RBFOX1: variants seen among roughly 807,000 people sequenced by gnomAD.
RBFOX1 encodes the protein RNA binding protein fox-1 homolog 1.
Under a neutral mutation model 57.7 loss-of-function variants are expected in RBFOX1, and 8 were observed. The observed-to-expected ratio is 0.14, with a 90% confidence interval of 0.08 to 0.25. RBFOX1 has a LOEUF of 0.25. Ranked by LOEUF, RBFOX1 falls within the 10% of genes least tolerant of loss-of-function variation. RBFOX1 has a pLI of 1.00. For synonymous variants in RBFOX1, 326 were observed against 222.4 expected (o/e 1.47, Z -4.15); for missense variants, 611 against 548.5 (o/e 1.11, Z -1.14).
intron 3 of RBFOX1, among the ~76,000 whole-genome samples, chr16:6,920,486 G>C (rs751857005): frequency 1.3e-5 from 2 of 152,134 alleles, no homozygotes; most frequent in Admixed American, 1.3e-4. Context: ...AGGGAGCACC[G>C]AGTCCACAGA....
chr16:6,420,904 G>A (rs2093753529), intron 2 of RBFOX1, among the ~76,000 whole-genome samples: 1 of 152,188 alleles, frequency 6.6e-6, no homozygotes, highest in Admixed American at 6.5e-5. Flanking sequence ...TAAAAGGCTA[G>A]ACCTGCATCA....
chr16:6,786,908 TA>T (rs58005268), intron 3 of RBFOX1, among the ~76,000 whole-genome samples: 101,156 of 149,904 alleles, frequency 0.67, 34,308 homozygotes, highest in East Asian at 0.92. Flanking sequence ...TTTTTACTTT[TA>T]AAAAAAAAAA....
At chr16:5,953,293 A>G (rs570817646) in intron 4 of RBFOX1, among the ~76,000 whole-genome samples, 4 of 152,346 alleles carry the variant, frequency 2.6e-5, no homozygotes, top group East Asian at 3.9e-4. Flanking sequence ...ATTTTTTAGT[A>G]TATGTGTTGT....
At chr16:7,518,733 C>T (rs567388732) in intron 5 of RBFOX1, among the ~76,000 whole-genome samples, 15 of 152,120 alleles carry the variant, frequency 9.9e-5, no homozygotes, top group Admixed American at 9.8e-4. Context: ...TTCTTCAAGT[C>T]TTACGGAGGC....
chr16:7,310,196 C>G (rs2096277313), intron 4 of RBFOX1, among the ~76,000 whole-genome samples: 1 of 152,210 alleles, frequency 6.6e-6, no homozygotes, highest in African/African-American at 2.4e-5. Context: ...CAGGCCGCCT[C>G]TGCTGGGAGA....
intron 3 of RBFOX1, among the ~76,000 whole-genome samples, chr16:5,726,467 T>A (rs1376985305): frequency 1.3e-5 from 2 of 152,170 alleles, no homozygotes; most frequent in Admixed American, 6.5e-5. Context: ...GGACCTTCAC[T>A]TTCTTTGTCC....
Position 6,756,233 on chromosome 16 carries a change from C to A in RBFOX1, c.-16+101583C>A, listed in dbSNP as rs750479875. The stretch of plus-strand genomic sequence containing the variant: ...ATATGGATTGGGGAAAGGACACCCT[C>A]TTCAATAAGTAGTGCTGGGAAAAAA... On this transcript the variant is annotated intron_variant, in intron 3 of 15. Coordinates refer to ENST00000550418, the MANE Select transcript of RBFOX1 (RefSeq NM_018723.4). Among the ~76,000 whole-genome samples the A allele has an allele frequency of 2.6e-5, 4 of 152,104 alleles. No individual in the cohort carries two copies. In the South Asian group the frequency reaches 6.2e-4, roughly 24 times the overall value.
chr16:5,455,012 T>C (rs568973676), intron 1 of RBFOX1, among the ~76,000 whole-genome samples: 3 of 117,382 alleles, frequency 2.6e-5, no homozygotes, highest in Admixed American at 1.9e-4. Context: ...TCTTTCTTTC[T>C]TTCTTTCTTT....
intron 3 of RBFOX1, among the ~76,000 whole-genome samples, chr16:6,754,569 A>G (rs945685111): frequency 2.0e-5 from 3 of 152,100 alleles, no homozygotes; most frequent in Non-Finnish European, 2.9e-5. Context: ...TCTCTCTACA[A>G]ATTGGCCTCC....
intron 4 of RBFOX1, among the ~76,000 whole-genome samples, chr16:5,943,563 C>T (rs556863489): frequency 6.6e-6 from 1 of 152,196 alleles, no homozygotes; most frequent in Non-Finnish European, 1.5e-5. Context: ...CTGGGAGACC[C>T]TAAGTCCTTT....
chr16:7,088,207 AG>A (rs2060279046), intron 4 of RBFOX1, among the ~76,000 whole-genome samples: 1 of 152,196 alleles, frequency 6.6e-6, no homozygotes, highest in South Asian at 2.1e-4. Context: ...TTCAGAAAAA[AG>A]GTCTAGGGAA....
At chr16:6,934,355 A>G (rs1478728803) in intron 3 of RBFOX1, among the ~76,000 whole-genome samples, 2 of 152,178 alleles carry the variant, frequency 1.3e-5, no homozygotes, top group African/African-American at 4.8e-5. Context: ...TTTATGTAAT[A>G]AATATGTGAG....
chr16:7,120,978 G>T (rs568234243), intron 4 of RBFOX1, among the ~76,000 whole-genome samples: 4 of 151,692 alleles, frequency 2.6e-5, no homozygotes, highest in Admixed American at 2.0e-4. Flanking sequence ...TCAATGTTAT[G>T]TACCATATTA....
intron 1 of RBFOX1, among the ~76,000 whole-genome samples, chr16:5,301,583 C>A (rs1301457837): frequency 7.1e-6 from 1 of 141,768 alleles, no homozygotes; most frequent in Admixed American, 7.5e-5. Flanking sequence ...TGCGCCACTG[C>A]ACTCCAGCCT....
intron 3 of RBFOX1, among the ~76,000 whole-genome samples, chr16:5,766,713 A>G (rs2053793925): frequency 6.6e-6 from 1 of 152,106 alleles, no homozygotes; most frequent in Admixed American, 6.5e-5. Context: ...CCCCACCTCC[A>G]ATGTTGGGGA....
At chr16:5,377,683 C>G (rs1168118002) in intron 1 of RBFOX1, among the ~76,000 whole-genome samples, 1 of 151,252 alleles carries the variant, frequency 6.6e-6, no homozygotes, top group Non-Finnish European at 1.5e-5. Context: ...GAATGCGGAC[C>G]TAGAGGTCCC....
At chr16:5,952,926 T>G (rs1208075688) in intron 4 of RBFOX1, among the ~76,000 whole-genome samples, 1 of 152,206 alleles carries the variant, frequency 6.6e-6, no homozygotes, top group Admixed American at 6.5e-5. Flanking sequence ...AAGAATCTTT[T>G]TATTTAATTT....
At chr16:6,867,206 A>G (rs1019973286) in intron 3 of RBFOX1, among the ~76,000 whole-genome samples, 2 of 152,126 alleles carry the variant, frequency 1.3e-5, no homozygotes, top group African/African-American at 2.4e-5. Flanking sequence ...GCATGAAGCT[A>G]TATAAGTCTT....
intron 3 of RBFOX1, among the ~76,000 whole-genome samples, chr16:6,904,108 CT>C (rs1411411008): frequency 5.3e-5 from 8 of 152,172 alleles, no homozygotes; most frequent in African/African-American, 1.4e-4. Flanking sequence ...TTCACCACCC[CT>C]ATACCTAATA....
Sources: allele counts gnomAD v4.1 joint callset (sites outside exome capture counted in the v4.1 genomes callset), GRCh38; gene constraint gnomAD v4.1.1; transcripts MANE v1.5; gene names NCBI Gene and HGNC (gene_info 2026-07-23, HGNC 2026-07-21).